The following KANSL2 variants were observed in gnomAD, a reference collection of about 807,000 sequenced individuals.
KANSL2 encodes the protein KAT8 regulatory NSL complex subunit 2.
In KANSL2, 34 loss-of-function variants were observed where a neutral mutation model predicts 55.6. That is an observed-to-expected ratio of 0.61 (90% CI 0.46 to 0.81). The LOEUF (loss-of-function observed/expected upper bound fraction) is 0.81, where lower values mean the gene tolerates loss of function less well. KANSL2 is among the 40% of genes least tolerant of loss of function. The pLI is 0.00. For missense variants in KANSL2, 502 were observed against 609.9 expected (o/e 0.82, Z 1.86); for synonymous variants, 209 against 214.3 (o/e 0.98, Z 0.22).
Position 48,669,247 on chromosome 12 carries a change from C to T in KANSL2, c.735G>A (p.Glu245=). ...ALGSSLLTGP[E]GLLAKERENL... ...TCTCTCGTTCTTTGGCCAAAAGTCCCTCTGGGCCAGTCAGGAGACTACTGC... is the reference window on the plus strand; with the variant it reads ...TCTCTCGTTCTTTGGCCAAAAGTCCTTCTGGGCCAGTCAGGAGACTACTGC... The change falls in exon 6 of 10, where the codon GAG becomes GAA. Residue 245 remains glutamate, a synonymous_variant. Coordinates refer to ENST00000420613, the MANE Select transcript of KANSL2 (RefSeq NM_017822.4). The T allele has an allele frequency of 6.3e-7, 1 of 1,574,982 alleles. No homozygotes were observed. Among genetic ancestry groups the T allele is most frequent in the Non-Finnish European group, 8.6e-7 (1 of 1,159,454 alleles).
intron 7 of KANSL2, chr12:48,661,337 AAGG>A: frequency 1.3e-5 from 4 of 317,494 alleles, no homozygotes; most frequent in Non-Finnish European, 1.4e-5. Context: ...ACTTTTGTTA[AAGG>A]TAGAAGAAGA....
chr12:48,662,159 C>T (rs1450944006), intron 7 of KANSL2, among the ~76,000 whole-genome samples: 1 of 152,224 alleles, frequency 6.6e-6, no homozygotes, highest in Admixed American at 6.5e-5. Flanking sequence ...GGCTAGAATG[C>T]AGTGGCGTGA....
At chr12:48,681,019 G>A (rs774903240) in intron 2 of KANSL2, among the ~76,000 whole-genome samples, 2 of 145,352 alleles carry the variant, frequency 1.4e-5, no homozygotes, top group Non-Finnish European at 3.0e-5. Flanking sequence ...GGTCGCTCAC[G>A]CCTGTAATCC....
chr12:48,677,476 C>T lies in KANSL2; in HGVS notation c.545+1560G>A, dbSNP rs74088109. On this transcript the variant is annotated intron_variant, in intron 4 of 9. Transcript: ENST00000420613. ...AAGCAGCAAGTTTGGCCATCTAGAA[C>T]CACAATGGAAAAAAAAGGAATGAAG... is the stretch of plus-strand genomic sequence containing the variant. 5.9e-3 allele frequency among the ~76,000 whole-genome samples: 893 copies of T among 152,046 alleles called. 8 individuals are homozygous for T. The highest frequency in any genetic ancestry group is 0.02 in the African/African-American group (814 of 41,484).
At chr12:48,668,716 T>TA (rs943777290) in intron 6 of KANSL2, among the ~76,000 whole-genome samples, 1 of 152,022 alleles carries the variant, frequency 6.6e-6, no homozygotes, top group Non-Finnish European at 1.5e-5. Flanking sequence ...AGACTGGACA[T>TA]AGTGTTTTGA....
At chr12:48,681,710 G>T in intron 1 of KANSL2, 69 bp from the exon 2 acceptor site, 2 of 1,599,210 alleles carry the variant, frequency 1.3e-6, no homozygotes. Context: ...CACAGATCGC[G>T]CGGACAGTTT....
At chr12:48,667,817 G>A in intron 6 of KANSL2, 28 bp from the exon 7 acceptor site, 2 of 1,498,120 alleles carry the variant, frequency 1.3e-6, no homozygotes, top group Middle Eastern at 1.7e-4. Flanking sequence ...AGATAAAATA[G>A]ACCCACAAAA....
Position 48,653,879 on chromosome 12 carries a change from A to C in KANSL2, c.*165T>G, listed in dbSNP as rs1939327926. On this transcript the variant is annotated 3_prime_UTR_variant, in exon 10 of 10. Transcript: ENST00000420613. ...CCTTGCCCTGAGTGGGAAGAAACCC[A>C]CGGTCCACGTCCTCAAAATTTGGCT... The C allele has an allele frequency of 1.8e-6, 1 of 558,316 alleles. No individual in the cohort carries two copies. Among genetic ancestry groups the C allele is most frequent in the Non-Finnish European group, 3.0e-6 (1 of 337,790 alleles). 34.6% of individuals were successfully genotyped at this position (558,316 alleles called of 1,614,324 possible).
rs1184144066 is a variant in KANSL2, at chr12:48,679,792, G to A, written c.293C>T (p.Ala98Val). The change falls in exon 3 of 10, where the codon GCA (alanine) becomes GTA (valine). Residue 98 changes from alanine (A) to valine (V), a missense_variant. By Grantham distance (64) the Ala-to-Val change is moderately conservative. Transcript: ENST00000420613. ...CAEHVRRNALALHAQMKKTNP... is the reference protein window; with the variant it reads ...CAEHVRRNALVLHAQMKKTNP... ...GGTCTTCTTCATTTGAGCATGAAGT[G>A]CCAGGGCATTCCTACGGACATGTTC... is the stretch of plus-strand genomic sequence containing the variant. The A allele has an allele frequency of 7.5e-6, 12 of 1,608,018 alleles. No individual in the cohort carries two copies. Among genetic ancestry groups the A allele is most frequent in the South Asian group, 1.1e-5 (1 of 89,920 alleles).
At chr12:48,662,696 T>G in intron 7 of KANSL2, 1 of 1,263,404 alleles carries the variant, frequency 7.9e-7, no homozygotes, top group South Asian at 1.3e-5. Flanking sequence ...CTTAGGCAAC[T>G]ATGGAGTGGA....
chr12:48,664,577 C>CTT (rs35805896), intron 7 of KANSL2, among the ~76,000 whole-genome samples: 121 of 62,078 alleles, frequency 1.9e-3, no homozygotes, highest in Middle Eastern at 0.02. Flanking sequence ...CGCACCTGGC[C>CTT]TTTTTTTTTT....
chr12:48,674,816 C>T (rs188758655), intron 4 of KANSL2, among the ~76,000 whole-genome samples: 1 of 152,078 alleles, frequency 6.6e-6, no homozygotes, highest in Admixed American at 6.5e-5. Context: ...ATCCCAGCTA[C>T]TCGGGAGGCT....
At chr12:48,670,195 T>TTA (rs1555155196) in intron 5 of KANSL2, among the ~76,000 whole-genome samples, 1 of 98,082 alleles carries the variant, frequency 1.0e-5, no homozygotes, top group Non-Finnish European at 1.9e-5. Flanking sequence ...TGAGACTATA[T>TTA]CACAAAAAAA....
intron 8 of KANSL2, 25 bp downstream of exon 8, chr12:48,660,341 C>A (rs754527005): frequency 3.1e-6 from 5 of 1,612,282 alleles, no homozygotes; most frequent in Non-Finnish European, 4.2e-6. Context: ...AGGGCCTGAA[C>A]CAAAGCAGAG....
chr12:48,662,937 A>C (rs905611430), intron 7 of KANSL2, among the ~76,000 whole-genome samples: 1 of 152,222 alleles, frequency 6.6e-6, no homozygotes, highest in African/African-American at 2.4e-5. Context: ...CAACCACACC[A>C]TGCACAAATT....
In KANSL2 at chr12:48,682,229, C is replaced by T. The variant is rs1342981060; in HGVS notation, c.-52G>A. 4.7e-6 allele frequency: 3 copies of T among 632,956 alleles called. No homozygotes were observed. The highest frequency in any genetic ancestry group is 3.6e-5 in the African/African-American group (2 of 54,856). The allele number at this position is 632,956 out of a possible 1,614,324, so 39.2% of individuals were successfully genotyped here. A position where few individuals can be genotyped will look rare whatever the true frequency, so the allele number is the denominator to read the frequency against. On this transcript the variant is annotated 5_prime_UTR_variant, in exon 1 of 10. Transcript: ENST00000420613. ...GCCGCACTCTGCCGCGCCGCTCGCCCTTCTCTAGTGGCGCCAGCGGCTCTC... is the reference window on the plus strand; with the variant it reads ...GCCGCACTCTGCCGCGCCGCTCGCCTTTCTCTAGTGGCGCCAGCGGCTCTC...
intron 1 of KANSL2, 82 bp from the exon 2 acceptor site, chr12:48,681,723 A>G (rs1321471126): frequency 1.9e-6 from 3 of 1,572,806 alleles, no homozygotes; most frequent in Non-Finnish European, 2.6e-6. Flanking sequence ...GACAGTTTCC[A>G]AAGGACATGC....
At position 48,671,918 on chromosome 12, in the gene KANSL2, C is replaced by T. The variant is rs1565608129; in HGVS notation, c.590G>A (p.Arg197His). 8 of 1,608,826 alleles carry T rather than the reference C, an allele frequency of 5.0e-6. No individual in the cohort carries two copies. The highest frequency in any genetic ancestry group is 5.1e-6 in the Non-Finnish European group (6 of 1,176,392). ...YTAEEVALIM[R>H]EKLIRLQSLY... Reference sequence around the variant, plus strand: ...CGACTGCAAACGAATTAGCTTTTCACGCATAATCAGGGCCACTTCTTCTGC... The same window carrying T: ...CGACTGCAAACGAATTAGCTTTTCATGCATAATCAGGGCCACTTCTTCTGC... The change falls in exon 5 of 10, where the codon CGT becomes CAT. Residue 197 changes from arginine (R) to histidine (H), a missense_variant. By Grantham distance (29) the Arg-to-His change is conservative. Coordinates refer to ENST00000420613, the MANE Select transcript of KANSL2 (RefSeq NM_017822.4).
At chr12:48,673,787 C>CA (rs570942773) in intron 4 of KANSL2, among the ~76,000 whole-genome samples, 1 of 151,512 alleles carries the variant, frequency 6.6e-6, no homozygotes, top group South Asian at 2.1e-4. Context: ...CCTGTCAATA[C>CA]AAAAAATACA....
Sources: allele counts gnomAD v4.1 joint callset (sites outside exome capture counted in the v4.1 genomes callset), GRCh38; gene constraint gnomAD v4.1.1; transcripts MANE v1.5; gene names NCBI Gene and HGNC (gene_info 2026-07-23, HGNC 2026-07-21).